The following SLC8A3 variants were observed in gnomAD, a reference collection of about 807,000 sequenced individuals.
SLC8A3 encodes the protein solute carrier family 8 member A3.
In SLC8A3, 37 loss-of-function variants were observed where a neutral mutation model predicts 65.4. That is an observed-to-expected ratio of 0.57 (90% CI 0.44 to 0.74). SLC8A3 has a LOEUF of 0.74. Among genes scored for constraint, SLC8A3 ranks in the 30% least tolerant of loss-of-function variants. The pLI is 0.00. For missense variants in SLC8A3, 1,112 were observed against 1,172.1 expected, an observed-to-expected ratio of 0.95 and a Z score of 0.75; for synonymous variants, 461 against 444.5, an observed-to-expected ratio of 1.04 and a Z score of -0.47.
chr14:70,118,373 G>A (rs939069890), intron 2 of SLC8A3, among the ~76,000 whole-genome samples: 1 of 152,142 alleles, frequency 6.6e-6, no homozygotes, highest in Admixed American at 6.5e-5. Context: ...GGAAGAAAAC[G>A]TGAACAAGAA....
intron 2 of SLC8A3, among the ~76,000 whole-genome samples, chr14:70,126,157 T>C (rs1237989538): frequency 3.9e-5 from 6 of 152,226 alleles, no homozygotes; most frequent in Non-Finnish European, 8.8e-5. Context: ...GCCTAATGTA[T>C]TTTCTTTCAT....
chr14:70,054,236 T>C (rs1252366141), intron 3 of SLC8A3, among the ~76,000 whole-genome samples: 4 of 146,106 alleles, frequency 2.7e-5, no homozygotes, highest in African/African-American at 1.0e-4. Context: ...GTGCTCTTCC[T>C]GCAAGGCGCC....
intron 1 of SLC8A3, among the ~76,000 whole-genome samples, chr14:70,171,795 C>T (rs548887676): frequency 3.9e-5 from 6 of 152,060 alleles, no homozygotes; most frequent in South Asian, 2.1e-4. Flanking sequence ...AGTGAAACTC[C>T]GTCTCAAAAA....
At chr14:70,096,124 C>T (rs113308479) in intron 2 of SLC8A3, among the ~76,000 whole-genome samples, 2,784 of 152,220 alleles carry the variant, frequency 0.018, 89 homozygotes, top group African/African-American at 0.064. Flanking sequence ...TCAGGTGATC[C>T]ACCTGCTTTG....
intron 2 of SLC8A3, among the ~76,000 whole-genome samples, chr14:70,163,784 T>C (rs768211548): frequency 2.6e-5 from 4 of 152,182 alleles, no homozygotes; most frequent in Non-Finnish European, 5.9e-5. Context: ...CCAGAACTTG[T>C]TAGAAATGCG....
intron 2 of SLC8A3, among the ~76,000 whole-genome samples, chr14:70,064,450 T>C (rs947772639): frequency 6.6e-6 from 1 of 151,832 alleles, no homozygotes; most frequent in African/African-American, 2.4e-5. Context: ...GACAAACTGG[T>C]TTGTGGAAAT....
At chr14:70,094,779 C>G (rs1892042545) in intron 2 of SLC8A3, among the ~76,000 whole-genome samples, 1 of 152,236 alleles carries the variant, frequency 6.6e-6, no homozygotes, top group East Asian at 1.9e-4. Context: ...GGATGTGTGT[C>G]AGCAGCAAAA....
chr14:70,103,925 T>C (rs999486834), intron 2 of SLC8A3, among the ~76,000 whole-genome samples: 1 of 151,992 alleles, frequency 6.6e-6, no homozygotes, highest in Non-Finnish European at 1.5e-5. Flanking sequence ...AGTGTGAATA[T>C]AAGATAATGG....
chr14:70,054,694 C>T (rs2139759859), intron 3 of SLC8A3, among the ~76,000 whole-genome samples: 1 of 152,142 alleles, frequency 6.6e-6, no homozygotes, highest in South Asian at 2.1e-4. Flanking sequence ...AGCAAAAAGC[C>T]AAGGAAGCTG....
chr14:70,132,824 C>T (rs1323250315), intron 2 of SLC8A3, among the ~76,000 whole-genome samples: 1 of 152,208 alleles, frequency 6.6e-6, no homozygotes, highest in African/African-American at 2.4e-5. Context: ...CAAGTAATCA[C>T]AGCCCACCCT....
At chr14:70,146,972 A>G (rs989316189) in intron 2 of SLC8A3, among the ~76,000 whole-genome samples, 10 of 152,206 alleles carry the variant, frequency 6.6e-5, no homozygotes, top group African/African-American at 2.4e-4. Flanking sequence ...CACATAAGAC[A>G]AGGTATATAT....
At chr14:70,173,113 T>G (rs1293370799) in intron 1 of SLC8A3, among the ~76,000 whole-genome samples, 2 of 152,176 alleles carry the variant, frequency 1.3e-5, no homozygotes, top group African/African-American at 2.4e-5. Flanking sequence ...GGTTTTATTC[T>G]AAGGGCAATG....
chr14:70,075,140 C>T (rs565919771), intron 2 of SLC8A3, among the ~76,000 whole-genome samples: 78 of 151,750 alleles, frequency 5.1e-4, no homozygotes, highest in Non-Finnish European at 9.3e-4. Flanking sequence ...TGTGTGTGTG[C>T]GCGCATGTGT....
At chr14:70,092,325 C>G (rs994113555) in intron 2 of SLC8A3, among the ~76,000 whole-genome samples, 2 of 152,198 alleles carry the variant, frequency 1.3e-5, no homozygotes, top group African/African-American at 4.8e-5. Context: ...TCCTGGAATG[C>G]TTTCCTGATG....
At chr14:70,125,864 G>T (rs1253303158) in intron 2 of SLC8A3, among the ~76,000 whole-genome samples, 1 of 152,110 alleles carries the variant, frequency 6.6e-6, no homozygotes, top group Non-Finnish European at 1.5e-5. Context: ...GTTTTTTAAA[G>T]CTCCCAAGGT....
At chr14:70,071,596 G>C (rs908544781) in intron 2 of SLC8A3, among the ~76,000 whole-genome samples, 10 of 152,192 alleles carry the variant, frequency 6.6e-5, no homozygotes, top group African/African-American at 2.4e-4. Flanking sequence ...CCTGAATAAG[G>C]TTGGAAGCGT....
intron 2 of SLC8A3, among the ~76,000 whole-genome samples, chr14:70,150,924 C>T (rs1394922755): frequency 1.3e-5 from 2 of 152,192 alleles, no homozygotes; most frequent in Admixed American, 1.3e-4. Context: ...CAGTTCATGG[C>T]TGCCCCTGCC....
chr14:70,090,776 T>C (rs1891748799), intron 2 of SLC8A3, among the ~76,000 whole-genome samples: 1 of 152,218 alleles, frequency 6.6e-6, no homozygotes, highest in Admixed American at 6.5e-5. Flanking sequence ...TTGTGTGAGC[T>C]GCCCTGGTCA....
intron 2 of SLC8A3, among the ~76,000 whole-genome samples, chr14:70,072,023 C>T (rs1890056987): frequency 6.6e-6 from 1 of 152,170 alleles, no homozygotes; most frequent in South Asian, 2.1e-4. Flanking sequence ...TCAGAGATAA[C>T]CTACTGAGGA....
Sources: allele counts gnomAD v4.1 joint callset (sites outside exome capture counted in the v4.1 genomes callset), GRCh38; gene constraint gnomAD v4.1.1; transcripts MANE v1.5; gene names NCBI Gene and HGNC (gene_info 2026-07-23, HGNC 2026-07-21).